NPSR1: variants seen among roughly 807,000 people sequenced by gnomAD.
NPSR1 encodes neuropeptide S receptor 1, also known as neuropeptide S receptor.
In NPSR1, 48 loss-of-function variants were observed where a neutral mutation model predicts 46.9. The ratio of observed to expected loss-of-function variants is 1.02; its 90% CI spans 0.81 to 1.30. The LOEUF (loss-of-function observed/expected upper bound fraction) is 1.30, where lower values mean the gene tolerates loss of function less well. NPSR1 is among the 50% of genes most tolerant of loss of function. The pLI, the probability that NPSR1 is intolerant of heterozygous loss-of-function variation, is 0.00. For missense variants in NPSR1, 450 were observed against 449.5 expected, an observed-to-expected ratio of 1.00 and a Z score of -0.01; for synonymous variants, 176 against 168.1, an observed-to-expected ratio of 1.05 and a Z score of -0.36.
At chr7:34,795,537 A>G (rs1188507095) in intron 3 of NPSR1, among the ~76,000 whole-genome samples, 1 of 152,176 alleles carries the variant, frequency 6.6e-6, no homozygotes, top group Non-Finnish European at 1.5e-5. Flanking sequence ...AAACTCTCCC[A>G]GAACTAATAG....
chr7:34,732,274 A>G (rs1784459897), intron 2 of NPSR1, among the ~76,000 whole-genome samples: 1 of 152,138 alleles, frequency 6.6e-6, no homozygotes, highest in African/African-American at 2.4e-5. Context: ...CATTTCTCTG[A>G]TCTCGCACTC....
intron 1 of NPSR1, 122 bp downstream of exon 1, chr7:34,658,681 A>T: frequency 9.5e-7 from 1 of 1,055,334 alleles, no homozygotes. Context: ...TTTACTAAAA[A>T]GGATTTTTAA....
intron 5 of NPSR1, among the ~76,000 whole-genome samples, chr7:34,831,249 C>A (rs1372820744): frequency 2.0e-5 from 3 of 151,952 alleles, no homozygotes; most frequent in African/African-American, 7.3e-5. Context: ...ACAGATGTGT[C>A]ATGTCACTCT....
chr7:34,853,618 A>T (rs1790987520), downstream of NPSR1, among the ~76,000 whole-genome samples: 1 of 152,228 alleles, frequency 6.6e-6, no homozygotes, highest in Non-Finnish European at 1.5e-5. Flanking sequence ...CATGGTTTTC[A>T]GATTGCTCGG....
chr7:34,688,197 T>G (rs1793034976), intron 2 of NPSR1, among the ~76,000 whole-genome samples: 1 of 152,154 alleles, frequency 6.6e-6, no homozygotes, highest in African/African-American at 2.4e-5. Context: ...CATCTGCCAG[T>G]GCAAAAATAA....
intron 3 of NPSR1, among the ~76,000 whole-genome samples, chr7:34,808,492 T>G (rs1011633754): frequency 1.8e-4 from 27 of 152,298 alleles, no homozygotes; most frequent in African/African-American, 5.8e-4. Context: ...GTCCCTTCAC[T>G]CAACTCCCTT....
intron 3 of NPSR1, among the ~76,000 whole-genome samples, chr7:34,788,375 G>A (rs78595311): frequency 0.01 from 1,553 of 151,814 alleles, 27 homozygotes; most frequent in African/African-American, 0.036. Flanking sequence ...AAAGCAGAAA[G>A]AGTGGAAGAC....
intron 2 of NPSR1, among the ~76,000 whole-genome samples, chr7:34,753,155 G>A (rs192535035): frequency 5.3e-5 from 8 of 152,280 alleles, no homozygotes; most frequent in African/African-American, 7.2e-5. Flanking sequence ...AGGGCAACAC[G>A]ATGGGGACTT....
At chr7:34,731,046 C>A (rs556216763) in intron 2 of NPSR1, among the ~76,000 whole-genome samples, 2 of 151,924 alleles carry the variant, frequency 1.3e-5, no homozygotes, top group South Asian at 4.1e-4. Context: ...AAGCATGATA[C>A]CAAGGCAGAA....
intron 2 of NPSR1, among the ~76,000 whole-genome samples, chr7:34,688,026 T>C (rs1793023513): frequency 6.6e-6 from 1 of 152,222 alleles, no homozygotes; most frequent in Non-Finnish European, 1.5e-5. Flanking sequence ...TGCCAAAGCA[T>C]ACTGGCTTTG....
At chr7:34,700,304 C>T (rs1332423098) in intron 2 of NPSR1, among the ~76,000 whole-genome samples, 1 of 152,122 alleles carries the variant, frequency 6.6e-6, no homozygotes, top group East Asian at 1.9e-4. Flanking sequence ...TAACTCAGTG[C>T]AACGATTGTA....
chr7:34,691,787 T>G (rs532959883), intron 2 of NPSR1, among the ~76,000 whole-genome samples: 1 of 151,598 alleles, frequency 6.6e-6, no homozygotes, highest in African/African-American at 2.4e-5. Context: ...CTGACATCAG[T>G]AGACAGATCA....
intron 8 of NPSR1, among the ~76,000 whole-genome samples, chr7:34,868,758 T>C (rs1791381819): frequency 6.6e-6 from 1 of 151,648 alleles, no homozygotes; most frequent in Non-Finnish European, 1.5e-5. Flanking sequence ...GGACTCCCGT[T>C]TAAACCCTGG....
intron 4 of NPSR1, among the ~76,000 whole-genome samples, chr7:34,819,405 G>C (rs1179411761): frequency 6.6e-6 from 1 of 152,206 alleles, no homozygotes; most frequent in Non-Finnish European, 1.5e-5. Flanking sequence ...CCATTAAAAA[G>C]TCAGGAAACA....
At chr7:34,707,698 T>C (rs1794177302) in intron 2 of NPSR1, among the ~76,000 whole-genome samples, 1 of 152,192 alleles carries the variant, frequency 6.6e-6, no homozygotes, top group Admixed American at 6.5e-5. Flanking sequence ...AGAGTAAGCT[T>C]TAGACTTTAT....
intron 3 of NPSR1, among the ~76,000 whole-genome samples, chr7:34,790,654 T>C (rs1468149222): frequency 7.1e-6 from 1 of 140,234 alleles, no homozygotes; most frequent in Non-Finnish European, 1.6e-5. Context: ...TAATATGTAT[T>C]ATGTTATAAA....
chr7:34,832,483 C>T (rs986323873), intron 5 of NPSR1, among the ~76,000 whole-genome samples: 1 of 152,132 alleles, frequency 6.6e-6, no homozygotes, highest in Non-Finnish European at 1.5e-5. Context: ...CACTGTACTC[C>T]AGCCTGGGTG....
chr7:34,798,781 G>A (rs1455315818), intron 3 of NPSR1, among the ~76,000 whole-genome samples: 1 of 152,024 alleles, frequency 6.6e-6, no homozygotes, highest in Admixed American at 6.6e-5. Flanking sequence ...TATACTCTCA[G>A]AACACACAGA....
chr7:34,688,551 G>A (rs2128687399), intron 2 of NPSR1, among the ~76,000 whole-genome samples: 1 of 152,294 alleles, frequency 6.6e-6, no homozygotes, highest in South Asian at 2.1e-4. Context: ...TGTAGTGGCA[G>A]TTCCTCCACT....
Sources: gnomAD v4.1 joint callset for allele counts (sites outside exome capture counted in the v4.1 genomes callset) on GRCh38, gnomAD v4.1.1 for gene constraint, MANE v1.5 for transcripts, NCBI Gene and HGNC (gene_info 2026-07-23, HGNC 2026-07-21) for gene names.